Variants in TBC1D32 observed in about 807,000 individuals in gnomAD.
TBC1D32 encodes the protein protein broad-minded.
TBC1D32 carries 151 observed loss-of-function variants against 170.3 expected under a neutral mutation model. That is an observed-to-expected ratio of 0.89 (90% CI 0.78 to 1.01). The LOEUF (loss-of-function observed/expected upper bound fraction) is 1.01, where lower values mean the gene tolerates loss of function less well. TBC1D32 is among the 50% of genes least tolerant of loss of function. The probability of loss-of-function intolerance (pLI) is 0.00; values close to 1 mark genes in which losing one functional copy is unlikely to be tolerated. For missense variants in TBC1D32, 1,464 were observed against 1,457.1 expected, an observed-to-expected ratio of 1.00 and a Z score of -0.08; for synonymous variants, 498 against 488.0, an observed-to-expected ratio of 1.02 and a Z score of -0.27.
intron 9 of TBC1D32, among the ~76,000 whole-genome samples, chr6:121,300,116 G>C (rs1376464396): frequency 6.6e-6 from 1 of 152,136 alleles, no homozygotes; most frequent in Non-Finnish European, 1.5e-5. Flanking sequence ...GATATCATTA[G>C]TGTTCAAAAT....
intron 22 of TBC1D32, among the ~76,000 whole-genome samples, chr6:121,202,495 T>A (rs76090804): frequency 0.029 from 4,315 of 151,268 alleles, 353 homozygotes; most frequent in African/African-American, 0.093. Context: ...GATGAATAGT[T>A]CTGACAAAAT....
intron 29 of TBC1D32, among the ~76,000 whole-genome samples, chr6:121,111,910 C>T (rs929840633): frequency 4.0e-5 from 6 of 151,734 alleles, no homozygotes; most frequent in African/African-American, 1.5e-4. Flanking sequence ...GGCAGTTTCC[C>T]CTAGTTGGAA....
At chr6:121,203,669 C>T (rs1348866057) in intron 22 of TBC1D32, among the ~76,000 whole-genome samples, 1 of 151,260 alleles carries the variant, frequency 6.6e-6, no homozygotes, top group South Asian at 2.1e-4. Flanking sequence ...TTATCCTCCA[C>T]TTTACAGATG....
chr6:121,141,829 C>T (rs910912080), intron 24 of TBC1D32, among the ~76,000 whole-genome samples: 1 of 151,918 alleles, frequency 6.6e-6, no homozygotes, highest in African/African-American at 2.4e-5. Context: ...AAGACACAAA[C>T]CTTTTTAAAA....
intron 29 of TBC1D32, among the ~76,000 whole-genome samples, chr6:121,108,819 G>T (rs1180383934): frequency 6.6e-6 from 1 of 152,006 alleles, no homozygotes; most frequent in Non-Finnish European, 1.5e-5. Flanking sequence ...AATTCAAATG[G>T]ATTCAGTCTA....
chr6:121,275,295 T>C (rs1802066647), intron 15 of TBC1D32, among the ~76,000 whole-genome samples: 1 of 152,046 alleles, frequency 6.6e-6, no homozygotes, highest in Admixed American at 6.6e-5. Flanking sequence ...ACATCAAAAA[T>C]AGCTGAAAGT....
chr6:121,210,880 C>T (rs554601633), intron 21 of TBC1D32, among the ~76,000 whole-genome samples: 6 of 152,286 alleles, frequency 3.9e-5, no homozygotes, highest in African/African-American at 1.4e-4. Context: ...CTAACAGCCA[C>T]AGAAAATTCA....
intron 29 of TBC1D32, 78 bp from the exon 30 acceptor site, chr6:121,106,241 T>G: frequency 1.1e-6 from 1 of 898,590 alleles, no homozygotes; most frequent in Non-Finnish European, 1.4e-6. Flanking sequence ...TAATCCAACA[T>G]ACCTATTTTC....
intron 12 of TBC1D32, among the ~76,000 whole-genome samples, chr6:121,285,769 A>G (rs138459240): frequency 0.024 from 3,628 of 152,252 alleles, 154 homozygotes; most frequent in East Asian, 0.12. Flanking sequence ...TCACACGGCC[A>G]GGTACTCCTC....
At chr6:121,214,511 T>G (rs965499437) in intron 21 of TBC1D32, among the ~76,000 whole-genome samples, 10 of 152,156 alleles carry the variant, frequency 6.6e-5, no homozygotes, top group African/African-American at 2.4e-4. Flanking sequence ...CTGCAGGCAC[T>G]GGCATGGGTG....
intron 22 of TBC1D32, among the ~76,000 whole-genome samples, chr6:121,162,627 C>T (rs1053233682): frequency 6.6e-6 from 1 of 152,132 alleles, no homozygotes; most frequent in African/African-American, 2.4e-5. Flanking sequence ...TTGTAGATGA[C>T]ATGATGCTAT....
At chr6:121,169,955 T>C (rs1786721299) in intron 22 of TBC1D32, among the ~76,000 whole-genome samples, 1 of 151,976 alleles carries the variant, frequency 6.6e-6, no homozygotes, top group African/African-American at 2.4e-5. Context: ...TGAACTAACA[T>C]AATTAAGAGG....
chr6:121,211,369 G>A (rs1435099750), intron 21 of TBC1D32, among the ~76,000 whole-genome samples: 4 of 151,966 alleles, frequency 2.6e-5, no homozygotes, highest in African/African-American at 9.7e-5. Context: ...ATTTACCAGG[G>A]AAATGAAATC....
chr6:121,322,662 C>A (rs112316773), intron 1 of TBC1D32, among the ~76,000 whole-genome samples: 2,193 of 152,200 alleles, frequency 0.014, 14 homozygotes, highest in Middle Eastern at 0.034. Context: ...TCCTGACCAC[C>A]TCTACACCTA....
At position 121,079,802 on chromosome 6, in the gene TBC1D32, A is replaced by G. The variant is rs900898507; in HGVS notation, c.*969T>C. On this transcript the variant is annotated 3_prime_UTR_variant, in exon 32 of 32. Transcript: ENST00000398212. ...TTTTCAAGTTCAGTACAAGTAAAAT[A>G]TATCACTAAGGAAAATGCATAACAA... 2.6e-5 allele frequency: 4 copies of G among 152,204 alleles called. No individual in the cohort carries two copies. Among genetic ancestry groups the G allele is most frequent in the African/African-American group, 9.6e-5 (4 of 41,472 alleles). 9.4% of individuals were successfully genotyped at this position (152,204 alleles called of 1,614,324 possible).
intron 21 of TBC1D32, among the ~76,000 whole-genome samples, chr6:121,207,954 C>G (rs781016233): frequency 8.5e-5 from 13 of 152,058 alleles, no homozygotes; most frequent in Non-Finnish European, 1.9e-4. Context: ...CGCACTTCCA[C>G]TTCTAGAAGT....
intron 29 of TBC1D32, among the ~76,000 whole-genome samples, chr6:121,109,931 T>C (rs1008382143): frequency 2.6e-5 from 4 of 151,936 alleles, no homozygotes; most frequent in African/African-American, 9.7e-5. Context: ...TTTTCTAGAG[T>C]AATAAAAGCT....
intron 20 of TBC1D32, among the ~76,000 whole-genome samples, chr6:121,234,235 T>C (rs1237348609): frequency 6.6e-6 from 1 of 152,150 alleles, no homozygotes; most frequent in Non-Finnish European, 1.5e-5. Context: ...TTCTTTCAGT[T>C]TCTTGTATTT....
intron 15 of TBC1D32, among the ~76,000 whole-genome samples, chr6:121,275,306 AGTT>A (rs1563192371): frequency 6.6e-6 from 1 of 152,106 alleles, no homozygotes; most frequent in Non-Finnish European, 1.5e-5. Context: ...AGCTGAAAGT[AGTT>A]GTCTCTAGAG....
Sources: allele counts gnomAD v4.1 joint callset (sites outside exome capture counted in the v4.1 genomes callset), GRCh38; gene constraint gnomAD v4.1.1; transcripts MANE v1.5; gene names NCBI Gene and HGNC (gene_info 2026-07-23, HGNC 2026-07-21).